PPP1R16A: variants seen among roughly 807,000 people sequenced by gnomAD.
PPP1R16A encodes the protein myosin phosphatase-targeting subunit 3.
Under a neutral mutation model 46.6 loss-of-function variants are expected in PPP1R16A, and 39 were observed. The observed-to-expected ratio is 0.84, with a 90% CI of 0.65 to 1.09. The LOEUF (loss-of-function observed/expected upper bound fraction) is 1.09, where lower values mean the gene tolerates loss of function less well. PPP1R16A is among the 50% of genes least tolerant of loss of function. PPP1R16A has a pLI of 0.00. For synonymous variants in PPP1R16A, 413 were observed against 321.5 expected (o/e 1.28, Z -3.04); for missense variants, 798 against 735.6 (o/e 1.08, Z -0.98).
rs1825242726 is a variant in PPP1R16A, at chr8:144,477,992, C to T, written c.-1049C>T. On this transcript the variant is annotated 5_prime_UTR_variant, in exon 1 of 12. Transcript: ENST00000435887. ...CCGCGGCTTCCGGCTATGGGTACCG[C>T]GGGCCGGAAGTGTAGCGTTGCCATG... 1 of 392,924 alleles carries T rather than the reference C, an allele frequency of 2.5e-6. No individual in the cohort carries two copies. The highest frequency in any genetic ancestry group is 1.3e-4 in the South Asian group (1 of 7,754). The allele number at this position is 392,924 out of a possible 1,614,324, so 24.3% of individuals were successfully genotyped here.
chr8:144,499,340 G>C (rs566914729), intron 5 of PPP1R16A: 1 of 483,882 alleles, frequency 2.1e-6, no homozygotes, highest in African/African-American at 1.9e-5. Flanking sequence ...GAAATGTCTT[G>C]GTCAGTGAGG....
At chr8:144,484,310 A>G (rs1045993060) in intron 1 of PPP1R16A, among the ~76,000 whole-genome samples, 8 of 152,304 alleles carry the variant, frequency 5.3e-5, no homozygotes, top group Non-Finnish European at 7.3e-5. Context: ...TCACCATTGT[A>G]CTTGACAGAC....
rs749252338 is a variant in PPP1R16A at position 144,501,881 on chromosome 8, G to A, written c.1565G>A (p.Arg522Lys). Residue 522 changes from arginine (R) to lysine (K), a missense_variant, in exon 12 of 12, where the codon AGG (arginine) becomes AAG (lysine). Coordinates refer to ENST00000435887, the MANE Select transcript of PPP1R16A (RefSeq NM_001329443.2). Reference protein sequence around the residue: ...APAVEAPVERRPCCLLM With the variant: ...APAVEAPVERKPCCLLM ...GCGGTGGAGGCTCCCGTGGAGAGGA[G>A]GCCGTGCTGCCTGCTCATGTGAGGC... The A allele has an allele frequency of 2.9e-5, 45 of 1,535,770 alleles. No individual in the cohort carries two copies. In the South Asian group the frequency reaches 3.8e-4, roughly 13 times the overall value.
At chr8:144,490,627 C>T (rs1040603926) in intron 2 of PPP1R16A, among the ~76,000 whole-genome samples, 10 of 152,146 alleles carry the variant, frequency 6.6e-5, no homozygotes, top group African/African-American at 1.7e-4. Flanking sequence ...GTCACTCTGG[C>T]GGGACATCCA....
At position 144,498,790 on chromosome 8, in the gene PPP1R16A, G is replaced by A; in HGVS notation, c.280G>A (p.Gly94Arg). ...LEEVRQFLGS[G>R]VSPDLANEDG... ...TGCAGTCCGCCAGTTCCTTGGGAGT[G>A]GGGTCAGCCCTGACTTGGCCAACGA... is the stretch of plus-strand genomic sequence containing the variant. The change falls in exon 4 of 12, where the codon GGG becomes AGG. Residue 94 changes from glycine to arginine, a missense_variant. Physicochemically the swap from Gly to Arg is moderately radical, Grantham distance 125. Coordinates refer to ENST00000435887, the MANE Select transcript of PPP1R16A (RefSeq NM_001329443.2). 1 of 1,592,756 alleles carries A rather than the reference G, an allele frequency of 6.3e-7. No individual in the cohort carries two copies. Among genetic ancestry groups the A allele is most frequent in the Non-Finnish European group, 8.6e-7 (1 of 1,164,170 alleles).
At chr8:144,499,256 G>A (rs1215296223) in intron 5 of PPP1R16A, 195 bp downstream of exon 5, 34 of 697,926 alleles carry the variant, frequency 4.9e-5, no homozygotes, top group East Asian at 3.1e-4. Context: ...AGGGCAGCGC[G>A]GTCCCTGCCT....
At chr8:144,479,253 C>T (rs1294675976) in intron 1 of PPP1R16A, 2 of 152,520 alleles carry the variant, frequency 1.3e-5, no homozygotes, top group Non-Finnish European at 2.9e-5. Context: ...CTGGGGGCTG[C>T]CTGGTGGACT....
chr8:144,498,849 G>A lies in PPP1R16A; in HGVS notation c.330+9G>A, dbSNP rs754928154. ...TGACGGCCCTGCACCAGGTCAGCCT[G>A]CACTGGGTGTGGGCAGGGTGGGGGC... is the stretch of plus-strand genomic sequence containing the variant. On this transcript the variant is annotated intron_variant, in intron 4 of 11. Coordinates refer to ENST00000435887, the MANE Select transcript of PPP1R16A (RefSeq NM_001329443.2). 2.5e-6 allele frequency: 4 copies of A among 1,611,454 alleles called. No homozygotes were observed. In the East Asian group the frequency reaches 6.7e-5, roughly 27 times the overall value.
chr8:144,500,468 G>C lies in PPP1R16A; in HGVS notation c.706-19G>C. Reference sequence around the variant, plus strand: ...AGGTGGGGGATGGGGCCGAATTCAGGCCGGGCGCTTGCCTGCAGCTGCACG... The same window carrying C: ...AGGTGGGGGATGGGGCCGAATTCAGCCCGGGCGCTTGCCTGCAGCTGCACG... On this transcript the variant is annotated intron_variant, in intron 7 of 11. Transcript: ENST00000435887. 1 of 1,563,338 alleles carries C rather than the reference G, an allele frequency of 6.4e-7. No homozygotes were observed. Among genetic ancestry groups the C allele is most frequent in the Non-Finnish European group, 8.6e-7 (1 of 1,163,104 alleles).
intron 1 of PPP1R16A, 124 bp downstream of exon 1, chr8:144,478,251 GC>G (rs1179447429): frequency 2.6e-6 from 1 of 386,086 alleles, no homozygotes; most frequent in East Asian, 3.7e-5. Flanking sequence ...AGGAGGCCGG[GC>G]CGGGGAAGGA....
intron 2 of PPP1R16A, among the ~76,000 whole-genome samples, chr8:144,491,158 GCCATTCTC>G (rs1825797625): frequency 6.6e-6 from 1 of 152,202 alleles, no homozygotes; most frequent in Non-Finnish European, 1.5e-5. Context: ...AGATACCATA[GCCATTCTC>G]CCATGGACAT....
chr8:144,491,439 A>C (rs1346140724), intron 2 of PPP1R16A, among the ~76,000 whole-genome samples: 2 of 151,242 alleles, frequency 1.3e-5, no homozygotes, highest in African/African-American at 4.9e-5. Context: ...AACATAGGGA[A>C]ACACTGTCTC....
chr8:144,496,875 G>A lies in PPP1R16A; in HGVS notation c.-320G>A, dbSNP rs765147600. 1.4e-5 allele frequency: 7 copies of A among 486,084 alleles called. No homozygotes were observed. The highest frequency in any genetic ancestry group is 2.6e-5 in the Non-Finnish European group (7 of 265,172). 30.1% of individuals were successfully genotyped at this position (486,084 alleles called of 1,614,324 possible). On this transcript the variant is annotated 5_prime_UTR_variant, in exon 3 of 12. Transcript: ENST00000435887. ...TGCACTGAGGCCGGCCAGGTCTCGG[G>A]GCTGCCTCCCATAGGTTGTGCACCC...
At chr8:144,480,122 C>T (rs1218131901) in intron 1 of PPP1R16A, among the ~76,000 whole-genome samples, 1 of 152,166 alleles carries the variant, frequency 6.6e-6, no homozygotes, top group Non-Finnish European at 1.5e-5. Context: ...AGATGTGATC[C>T]GAGTCCCACA....
intron 2 of PPP1R16A, chr8:144,496,153 G>A (rs1440409518): frequency 6.6e-6 from 1 of 152,276 alleles, no homozygotes; most frequent in Non-Finnish European, 1.5e-5. Flanking sequence ...TGGCCCTGGA[G>A]GAGCAGCCTA....
intron 1 of PPP1R16A, among the ~76,000 whole-genome samples, chr8:144,486,150 T>C (rs2130244973): frequency 6.6e-6 from 1 of 152,326 alleles, no homozygotes; most frequent in South Asian, 2.1e-4. Flanking sequence ...TGACTTAATT[T>C]TTTTTATTTT....
intron 1 of PPP1R16A, among the ~76,000 whole-genome samples, chr8:144,487,625 C>G (rs1825667595): frequency 6.6e-6 from 1 of 152,236 alleles, no homozygotes. Flanking sequence ...CTGCCTCGGC[C>G]TCCCAAATTG....
At chr8:144,501,475 G>C (rs369149626) in intron 11 of PPP1R16A, 45 bp from the exon 12 acceptor site, 81 of 1,491,010 alleles carry the variant, frequency 5.4e-5, no homozygotes, top group East Asian at 4.7e-4. Flanking sequence ...GGCCAGGGAG[G>C]GGGGAGGAGC....
chr8:144,487,812 C>A (rs529064169), intron 1 of PPP1R16A, among the ~76,000 whole-genome samples: 1 of 152,190 alleles, frequency 6.6e-6, no homozygotes, highest in Non-Finnish European at 1.5e-5. Context: ...TCAGGCTTAT[C>A]CCTAGTGTTC....
Sources: allele counts gnomAD v4.1 joint callset (sites outside exome capture counted in the v4.1 genomes callset), GRCh38; gene constraint gnomAD v4.1.1; transcripts MANE v1.5; gene names NCBI Gene and HGNC (gene_info 2026-07-23, HGNC 2026-07-21).